Variants in NINL observed in about 807,000 individuals in gnomAD.
The protein encoded by NINL is ninein-like protein.
A neutral mutation model predicts 160.3 loss-of-function variants in NINL; 153 were observed. The ratio of observed to expected loss-of-function variants is 0.95; its 90% CI spans 0.84 to 1.09. The LOEUF (loss-of-function observed/expected upper bound fraction) is 1.09. Among genes scored for constraint, NINL ranks in the 50% least tolerant of loss-of-function variants. The probability of loss-of-function intolerance (pLI) is 0.00; values close to 1 mark genes in which losing one functional copy is unlikely to be tolerated. For missense variants in NINL, 1,829 were observed against 1,764.0 expected (o/e 1.04, Z -0.66); for synonymous variants, 800 against 734.8 (o/e 1.09, Z -1.43).
intron 1 of NINL, among the ~76,000 whole-genome samples, chr20:25,575,711 A>AT (rs1202926490): frequency 1.3e-5 from 2 of 150,430 alleles, no homozygotes; most frequent in Non-Finnish European, 3.0e-5. Flanking sequence ...AGATCGCGCC[A>AT]TCCAGCCTGG....
chr20:25,459,484 A>T (rs2090781523), intron 21 of NINL, among the ~76,000 whole-genome samples: 1 of 152,154 alleles, frequency 6.6e-6, no homozygotes, highest in African/African-American at 2.4e-5. Flanking sequence ...ACAGAAAAGG[A>T]GGGAAGAACC....
intron 1 of NINL, among the ~76,000 whole-genome samples, chr20:25,547,633 G>A (rs560193607): frequency 3.3e-5 from 5 of 152,220 alleles, no homozygotes; most frequent in South Asian, 2.1e-4. Flanking sequence ...GAAAGACCAC[G>A]TTTGGTGTTA....
chr20:25,564,349 C>T (rs1280137938), intron 1 of NINL, among the ~76,000 whole-genome samples: 1 of 151,880 alleles, frequency 6.6e-6, no homozygotes, highest in East Asian at 1.9e-4. Flanking sequence ...CAGAGTTTTG[C>T]TCTTTTTGCC....
At chr20:25,520,994 T>C (rs2064253309) in intron 2 of NINL, among the ~76,000 whole-genome samples, 1 of 152,228 alleles carries the variant, frequency 6.6e-6, no homozygotes, top group South Asian at 2.1e-4. Flanking sequence ...TGGAATTCCA[T>C]GGGCTTTTGG....
At position 25,480,181 on chromosome 20, in the gene NINL, T is replaced by A; in HGVS notation, c.1897A>T (p.Arg633Trp). 2 of 1,613,478 alleles carry A rather than the reference T, an allele frequency of 1.2e-6. No individual in the cohort carries two copies. The highest frequency in any genetic ancestry group is 1.7e-6 in the Non-Finnish European group (2 of 1,179,484). ...CTCACCTTGGTCTCCAGCTGGGTCC[T>A]GAGGTCTTGGTAATGCTCCTTTACC... ...EQVKEHYQDL[R>W]TQLETKVNYY... The change falls in exon 15 of 24, where the codon AGG (arginine) becomes TGG (tryptophan). Residue 633 changes from arginine (R) to tryptophan (W), a missense_variant. Physicochemically the swap from Arg to Trp is moderately radical, Grantham distance 101. Coordinates refer to ENST00000278886, the MANE Select transcript of NINL (RefSeq NM_025176.6).
At position 25,526,815 on chromosome 20, in the gene NINL, G is replaced by C. The variant is rs928537786; in HGVS notation, c.-11-217C>G. Among the ~76,000 whole-genome samples the C allele has an allele frequency of 7.2e-5, 11 of 152,304 alleles. No homozygotes were observed. The South Asian group carries it at 1.0e-3, about 14-fold the overall frequency. ...CCAGAGCAGGTTAACAGGGAGTGAG[G>C]ATAAATAGTCCTTCAGTCGTCAGTC... On this transcript the variant is annotated intron_variant, in intron 1 of 23. Coordinates refer to ENST00000278886, the MANE Select transcript of NINL (RefSeq NM_025176.6).
At chr20:25,479,546 C>T (rs1230204565) in intron 15 of NINL, among the ~76,000 whole-genome samples, 3 of 152,106 alleles carry the variant, frequency 2.0e-5, no homozygotes, top group Admixed American at 2.0e-4. Flanking sequence ...GCGTGGAGGC[C>T]CTCAGTGGAA....
chr20:25,511,170 C>A (rs1370023855), intron 4 of NINL, among the ~76,000 whole-genome samples: 1 of 152,174 alleles, frequency 6.6e-6, no homozygotes, highest in Non-Finnish European at 1.5e-5. Context: ...ACACGCTCGC[C>A]ATACAAGGCT....
At chr20:25,461,895 T>C (rs536735593) in intron 20 of NINL, among the ~76,000 whole-genome samples, 125 of 152,248 alleles carry the variant, frequency 8.2e-4, no homozygotes, top group African/African-American at 2.9e-3. Flanking sequence ...AGTGGGAGCG[T>C]TTCCTGGGGC....
chr20:25,540,025 C>T (rs932670968), intron 1 of NINL: 182 of 1,288,490 alleles, frequency 1.4e-4, no homozygotes, highest in South Asian at 2.5e-4. Context: ...TGTTTACCTG[C>T]GCAGTTCAGA....
intron 1 of NINL, among the ~76,000 whole-genome samples, chr20:25,579,156 G>A (rs2065146815): frequency 6.6e-6 from 1 of 152,110 alleles, no homozygotes; most frequent in Non-Finnish European, 1.5e-5. Flanking sequence ...AGGGATGTTG[G>A]AAACCCCACT....
At chr20:25,568,882 T>A (rs1292558982) in intron 1 of NINL, among the ~76,000 whole-genome samples, 1 of 151,274 alleles carries the variant, frequency 6.6e-6, no homozygotes, top group Non-Finnish European at 1.5e-5. Context: ...AGGCCAGGAG[T>A]TTGAGACCAG....
In NINL at chr20:25,476,377, C is replaced by T; in HGVS notation, c.2914G>A (p.Ala972Thr). 1 of 1,611,010 alleles carries T rather than the reference C, an allele frequency of 6.2e-7. No homozygotes were observed. Among genetic ancestry groups the T allele is most frequent in the East Asian group, 2.2e-5 (1 of 44,742 alleles). ...LRPAASCRGQ[A>T]ERLQAIQEER... ...TCCTGAATGGCCTGTAGCCTCTCAG[C>T]CTGTCCCCTGCACGAAGCGGCCGGC... The change falls in exon 17 of 24, where the codon GCT (alanine) becomes ACT (threonine). Residue 972 changes from alanine (A) to threonine (T), a missense_variant. Transcript: ENST00000278886.
rs2146787365 is a variant in NINL at position 25,500,869 on chromosome 20, C to T, written c.1003G>A (p.Gly335Arg). 6 of 1,614,144 alleles carry T rather than the reference C, an allele frequency of 3.7e-6. No individual in the cohort carries two copies. The highest frequency in any genetic ancestry group is 2.2e-5 in the East Asian group (1 of 44,876). ...AAGATCTCCCTGCCATTCTGAATCC[C>T]CTCCTGGGTCCACATGGCCAGGACC... ...DQVLAMWTQE[G>R]IQNGREILQS... Residue 335 changes from glycine (G) to arginine (R), a missense_variant, in exon 8 of 24, where the codon GGG becomes AGG. By Grantham distance (125) the Gly-to-Arg change is moderately radical. Coordinates refer to ENST00000278886, the MANE Select transcript of NINL (RefSeq NM_025176.6).
chr20:25,496,571 C>A, intron 10 of NINL, 92 bp downstream of exon 10: 1 of 1,496,092 alleles, frequency 6.7e-7, no homozygotes. Context: ...ACACCCGCAG[C>A]TCTGGCCCCT....
At chr20:25,504,837 C>T (rs761085707) in intron 6 of NINL, 51 bp downstream of exon 6, 1 of 1,589,646 alleles carries the variant, frequency 6.3e-7, no homozygotes, top group East Asian at 2.3e-5. Flanking sequence ...CAACACTAAA[C>T]CGTGACCATG....
intron 1 of NINL, among the ~76,000 whole-genome samples, chr20:25,533,073 C>T (rs2064495597): frequency 6.6e-6 from 1 of 152,114 alleles, no homozygotes; most frequent in Non-Finnish European, 1.5e-5. Flanking sequence ...AAGTGGCTGC[C>T]CTGGGATCCA....
At chr20:25,496,529 C>G in intron 10 of NINL, 134 bp downstream of exon 10, 1 of 1,066,124 alleles carries the variant, frequency 9.4e-7, no homozygotes, top group Non-Finnish European at 1.4e-6. Context: ...TTCCCCCTGA[C>G]TCAGGTGAAA....
Position 25,500,827 on chromosome 20 carries a change from C to T in NINL, c.1032+13G>A. On this transcript the variant is annotated intron_variant, in intron 8 of 23. Coordinates refer to ENST00000278886, the MANE Select transcript of NINL (RefSeq NM_025176.6). ...GGTCCCCTGTCCAGCTTAGGCATCA[C>T]CCAGTTCCAAACCTGCAAGATCTCC... 6.2e-7 allele frequency: 1 copy of T among 1,603,122 alleles called. No individual in the cohort carries two copies. Among genetic ancestry groups the T allele is most frequent in the African/African-American group, 1.4e-5 (1 of 69,284 alleles).
Sources: gnomAD v4.1 joint callset for allele counts (sites outside exome capture counted in the v4.1 genomes callset) on GRCh38, gnomAD v4.1.1 for gene constraint, MANE v1.5 for transcripts, NCBI Gene and HGNC (gene_info 2026-07-23, HGNC 2026-07-21) for gene names.